The following CEP128 variants were observed in gnomAD, a reference collection of about 807,000 sequenced individuals.
CEP128 encodes centrosomal protein 128.
Under a neutral mutation model 156.7 loss-of-function variants are expected in CEP128, and 132 were observed. That is an observed-to-expected ratio of 0.84 (90% CI 0.73 to 0.97). The LOEUF is 0.97. Ranked by LOEUF, CEP128 falls within the 50% of genes least tolerant of loss-of-function variation. The probability of loss-of-function intolerance (pLI) is 0.00; values close to 1 mark genes in which losing one functional copy is unlikely to be tolerated. For synonymous variants in CEP128, 469 were observed against 448.9 expected, an observed-to-expected ratio of 1.04 and a Z score of -0.57; for missense variants, 1,252 against 1,281.9, an observed-to-expected ratio of 0.98 and a Z score of 0.36.
intron 21 of CEP128, among the ~76,000 whole-genome samples, chr14:80,548,652 A>C (rs762350322): frequency 2.0e-5 from 3 of 152,210 alleles, no homozygotes; most frequent in Non-Finnish European, 4.4e-5. Flanking sequence ...GCTTTTACCC[A>C]GAGAATGTGC....
At chr14:80,946,253 A>G (rs990725349), upstream of CEP128, among the ~76,000 whole-genome samples, 1 of 151,874 alleles carries the variant, frequency 6.6e-6, no homozygotes, top group Non-Finnish European at 1.5e-5. Context: ...TTCCATGAAT[A>G]TTGGTACTCT....
At chr14:80,558,674 C>T (rs1175435838) in intron 21 of CEP128, among the ~76,000 whole-genome samples, 5 of 152,120 alleles carry the variant, frequency 3.3e-5, no homozygotes, top group African/African-American at 1.2e-4. Flanking sequence ...CCACCTGCCT[C>T]GGCCTCCCAG....
intron 22 of CEP128, among the ~76,000 whole-genome samples, chr14:80,528,843 C>A (rs535438079): frequency 1.3e-5 from 2 of 152,094 alleles, no homozygotes; most frequent in African/African-American, 4.8e-5. Context: ...TTCTTGTTCA[C>A]GCCACACTGA....
At chr14:80,788,450 T>TAAAC (rs957066522) in intron 14 of CEP128, among the ~76,000 whole-genome samples, 1 of 151,924 alleles carries the variant, frequency 6.6e-6, no homozygotes, top group African/African-American at 2.4e-5. Context: ...CTCCCCACCT[T>TAAAC]AAACAAACAA....
chr14:80,602,779 AAAAAT>A (rs1892632782), intron 19 of CEP128, among the ~76,000 whole-genome samples: 1 of 152,160 alleles, frequency 6.6e-6, no homozygotes, highest in African/African-American at 2.4e-5. Context: ...CTCAAAAAAT[AAAAAT>A]AAAATAAAAT....
chr14:80,760,243 T>C (rs776995800), intron 17 of CEP128, among the ~76,000 whole-genome samples: 40 of 152,090 alleles, frequency 2.6e-4, no homozygotes, highest in East Asian at 7.7e-4. Context: ...ATTAGACTCA[T>C]AGTCTTTTCA....
Position 80,899,944 on chromosome 14 carries a change from C to T in CEP128, c.566G>A (p.Arg189Lys). 2 of 1,611,630 alleles carry T rather than the reference C, an allele frequency of 1.2e-6. No individual in the cohort carries two copies. Among genetic ancestry groups the T allele is most frequent in the Non-Finnish European group, 1.7e-6 (2 of 1,177,878 alleles). ...AACCATAGGCTGCTTTTACCGGCTCCTTCTGGAAAGCTCCCTGTTGAAATC... is the reference window on the plus strand; with the variant it reads ...AACCATAGGCTGCTTTTACCGGCTCTTTCTGGAAAGCTCCCTGTTGAAATC... ...GDDFNRELSRRSRSDAETKRA... is the reference protein window; with the variant it reads ...GDDFNRELSRKSRSDAETKRA... Residue 189 changes from arginine (R) to lysine (K), a missense_variant, in exon 7 of 25, where the codon AGG becomes AAG. Physicochemically the swap from Arg to Lys is conservative, Grantham distance 26. Coordinates refer to ENST00000555265, the MANE Select transcript of CEP128 (RefSeq NM_152446.5).
chr14:80,529,677 T>C (rs1283205846), intron 22 of CEP128, among the ~76,000 whole-genome samples: 1 of 152,220 alleles, frequency 6.6e-6, no homozygotes, highest in Non-Finnish European at 1.5e-5. Context: ...GCATAACATA[T>C]TGTCTCCTAT....
intron 20 of CEP128, among the ~76,000 whole-genome samples, chr14:80,572,236 C>G (rs564958860): frequency 6.6e-6 from 1 of 152,260 alleles, no homozygotes; most frequent in Non-Finnish European, 1.5e-5. Flanking sequence ...GGAAAATCAG[C>G]TAGAGATTGG....
chr14:80,773,547 C>T (rs1046732686), intron 16 of CEP128, among the ~76,000 whole-genome samples: 5 of 152,090 alleles, frequency 3.3e-5, no homozygotes, highest in African/African-American at 9.7e-5. Flanking sequence ...TTTACAAAGA[C>T]AGCTGATGTC....
chr14:80,596,106 A>C (rs151145521), intron 19 of CEP128, among the ~76,000 whole-genome samples: 1 of 151,874 alleles, frequency 6.6e-6, no homozygotes, highest in African/African-American at 2.4e-5. Flanking sequence ...ACATAGACAG[A>C]AAAAAAGGCA....
At chr14:80,715,969 T>C (rs1467245223) in intron 19 of CEP128, among the ~76,000 whole-genome samples, 1 of 152,124 alleles carries the variant, frequency 6.6e-6, no homozygotes, top group Non-Finnish European at 1.5e-5. Flanking sequence ...TCATCATCAG[T>C]AAAAAATAAT....
chr14:80,688,111 G>T (rs1344214815), intron 19 of CEP128, among the ~76,000 whole-genome samples: 2 of 151,830 alleles, frequency 1.3e-5, no homozygotes, highest in Non-Finnish European at 2.9e-5. Context: ...CCTTGCTATG[G>T]TCCCAATTTA....
chr14:80,689,419 G>C (rs1215836645), intron 19 of CEP128, among the ~76,000 whole-genome samples: 1 of 151,876 alleles, frequency 6.6e-6, no homozygotes, highest in Non-Finnish European at 1.5e-5. Flanking sequence ...TTGAGAACGT[G>C]AACCTAAAGA....
chr14:80,510,180 G>C (rs1168317499), intron 23 of CEP128, among the ~76,000 whole-genome samples: 1 of 151,960 alleles, frequency 6.6e-6, no homozygotes, highest in Admixed American at 6.6e-5. Flanking sequence ...CTTTTCATAG[G>C]GGTTGCACTG....
chr14:80,626,798 C>T (rs1468320248), intron 19 of CEP128, among the ~76,000 whole-genome samples: 9 of 152,042 alleles, frequency 5.9e-5, no homozygotes, highest in Non-Finnish European at 1.0e-4. Flanking sequence ...GATGTGGTGG[C>T]GGGCACCTAT....
Position 80,667,857 on chromosome 14 carries a change from CA to C in CEP128, c.2806+75217del, listed in dbSNP as rs3070047. ...TGGGCAACAGAGCGAGACTCCATCT[CA>C]AAAAAAAAAAAAAAAAGGAAATGAA... On this transcript the variant is annotated intron_variant, in intron 19 of 24. Transcript: ENST00000555265. Among the ~76,000 whole-genome samples, 639 of 89,982 alleles carry C rather than the reference CA, an allele frequency of 7.1e-3. 1 individual carries two copies. The highest frequency in any genetic ancestry group is 0.019 in the African/African-American group (506 of 25,960). 59.0% of individuals were successfully genotyped at this position (89,982 alleles called of 152,430 possible).
At chr14:80,502,724 C>A (rs538757817) in intron 24 of CEP128, among the ~76,000 whole-genome samples, 1 of 152,150 alleles carries the variant, frequency 6.6e-6, no homozygotes, top group African/African-American at 2.4e-5. Context: ...TTTAAAACAT[C>A]CTCTGTTCCC....
At chr14:80,607,473 T>C (rs1217581302) in intron 19 of CEP128, among the ~76,000 whole-genome samples, 1 of 152,180 alleles carries the variant, frequency 6.6e-6, no homozygotes, top group African/African-American at 2.4e-5. Context: ...GACTTTAAAG[T>C]GTTCACATGC....
Sources: allele counts gnomAD v4.1 joint callset (sites outside exome capture counted in the v4.1 genomes callset), GRCh38; gene constraint gnomAD v4.1.1; transcripts MANE v1.5; gene names NCBI Gene and HGNC (gene_info 2026-07-23, HGNC 2026-07-21).